The following FOXP4 variants were observed in gnomAD, a reference collection of about 807,000 sequenced individuals.
The protein encoded by FOXP4 is forkhead box P4, also known as forkhead box protein P4.
In FOXP4, 25 loss-of-function variants were observed where a neutral mutation model predicts 82.6. The ratio of observed to expected loss-of-function variants is 0.30; its 90% CI spans 0.22 to 0.42. The LOEUF is 0.42. FOXP4 is among the 10% of genes least tolerant of loss of function. FOXP4 has a pLI of 1.00. For synonymous variants in FOXP4, 415 were observed against 388.2 expected, an observed-to-expected ratio of 1.07 and a Z score of -0.81; for missense variants, 785 against 900.9, an observed-to-expected ratio of 0.87 and a Z score of 1.65.
rs1765585510 is a variant in FOXP4 at position 41,578,037 on chromosome 6, T to C, written c.256T>C (p.Ser86Pro). 6.2e-7 allele frequency: 1 copy of C among 1,613,310 alleles called. No individual in the cohort carries two copies. The highest frequency in any genetic ancestry group is 1.3e-5 in the African/African-American group (1 of 74,866). Reference protein sequence around the residue: ...FLLQQASGLSSPGNNDSKQSA... With the variant: ...FLLQQASGLSPPGNNDSKQSA... ...GCTGCAGCAGGCCTCAGGCCTGAGC[T>C]CCCCAGGGAACAATGACAGCAAACA... Residue 86 changes from serine to proline, a missense_variant, in exon 3 of 17, where the codon TCC becomes CCC. This residue lies in a region of FOXP4 where 570 missense variants were observed against 634.0 expected (regional missense o/e 0.90). Transcript: ENST00000307972.
At chr6:41,597,340 G>C in intron 15 of FOXP4, 98 bp downstream of exon 15, 1 of 1,285,488 alleles carries the variant, frequency 7.8e-7, no homozygotes, top group Non-Finnish European at 1.1e-6. Context: ...ACTCACCAGA[G>C]GAGGGAAGGA....
intron 12 of FOXP4, among the ~76,000 whole-genome samples, chr6:41,590,549 T>C (rs901102341): frequency 6.6e-6 from 1 of 152,130 alleles, no homozygotes; most frequent in Admixed American, 6.5e-5. Flanking sequence ...GGGTTATGTG[T>C]CTCTGGGGGT....
chr6:41,575,771 C>G (rs942127396), intron 2 of FOXP4, among the ~76,000 whole-genome samples: 3 of 119,582 alleles, frequency 2.5e-5, no homozygotes, highest in East Asian at 5.4e-4. Context: ...CCCTGCTGTT[C>G]CCTCCTGTCC....
At chr6:41,592,640 A>G (rs1023564094) in intron 13 of FOXP4, among the ~76,000 whole-genome samples, 2 of 152,202 alleles carry the variant, frequency 1.3e-5, no homozygotes, top group Non-Finnish European at 2.9e-5. Context: ...GTAGTAATAT[A>G]GAGCCTCCTT....
rs1482022976 is a variant in FOXP4 at position 41,588,742 on chromosome 6, GA to G, written c.1065+13del. On this transcript the variant is annotated intron_variant, in intron 9 of 16. Coordinates refer to ENST00000307972, the MANE Select transcript of FOXP4 (RefSeq NM_001012426.2). ...CAGCTGGAGATCCAGGTGTGGCCCG[GA>G]AGATGCTGGGGAGGGACATGGTGGG... is the stretch of plus-strand genomic sequence containing the variant. The G allele has an allele frequency of 1.9e-6, 3 of 1,612,980 alleles. No homozygotes were observed. In the African/African-American group the frequency reaches 4.0e-5, roughly 21 times the overall value.
chr6:41,598,594 A>G, intron 16 of FOXP4, 195 bp from the exon 17 acceptor site: 1 of 710,060 alleles, frequency 1.4e-6, no homozygotes, highest in Non-Finnish European at 2.3e-6. Context: ...CCCAACCCAG[A>G]GCAGTCTCTG....
chr6:41,586,881 C>G, intron 5 of FOXP4, 128 bp from the exon 6 acceptor site: 1 of 1,405,028 alleles, frequency 7.1e-7, no homozygotes, highest in Non-Finnish European at 9.3e-7. Flanking sequence ...ACTGCAGCTG[C>G]AGACGCCACA....
chr6:41,556,906 A>G (rs1040937989), intron 1 of FOXP4, among the ~76,000 whole-genome samples: 11 of 152,330 alleles, frequency 7.2e-5, no homozygotes, highest in East Asian at 3.9e-4. Flanking sequence ...GTGCGATTTA[A>G]TTGACTTAGG....
intron 2 of FOXP4, among the ~76,000 whole-genome samples, chr6:41,568,491 C>G (rs1024239176): frequency 6.6e-6 from 1 of 152,192 alleles, no homozygotes; most frequent in Non-Finnish European, 1.5e-5. Context: ...AGCGAGGCCT[C>G]GAGCATAGTG....
At chr6:41,598,417 C>T (rs1343631011) in intron 16 of FOXP4, among the ~76,000 whole-genome samples, 3 of 152,030 alleles carry the variant, frequency 2.0e-5, no homozygotes, top group East Asian at 1.9e-4. Context: ...GGGGTTTCAC[C>T]GTGCTGGCCA....
chr6:41,560,933 G>T (rs970577733), intron 1 of FOXP4, among the ~76,000 whole-genome samples: 3 of 152,354 alleles, frequency 2.0e-5, no homozygotes, highest in African/African-American at 7.2e-5. Flanking sequence ...AAGCACCCCA[G>T]CCCGTGGGTC....
At chr6:41,560,739 C>T (rs1764526799) in intron 1 of FOXP4, among the ~76,000 whole-genome samples, 1 of 152,258 alleles carries the variant, frequency 6.6e-6, no homozygotes, top group African/African-American at 2.4e-5. Context: ...GATGAGTTGG[C>T]AGGGCGGGCG....
intron 3 of FOXP4, among the ~76,000 whole-genome samples, chr6:41,579,046 AAGGACCC>A (rs1439890022): frequency 6.6e-6 from 1 of 152,050 alleles, no homozygotes; most frequent in Non-Finnish European, 1.5e-5. Flanking sequence ...GTGCTCAGAG[AAGGACCC>A]AGGACCAGGC....
At chr6:41,554,179 A>T (rs1764154416) in intron 1 of FOXP4, among the ~76,000 whole-genome samples, 1 of 152,240 alleles carries the variant, frequency 6.6e-6, no homozygotes, top group South Asian at 2.1e-4. Context: ...CAGAGAGGTT[A>T]CCTGACTTGC....
At chr6:41,568,085 G>A (rs751436153) in intron 2 of FOXP4, among the ~76,000 whole-genome samples, 3 of 152,222 alleles carry the variant, frequency 2.0e-5, no homozygotes, top group Non-Finnish European at 4.4e-5. Context: ...ATGTGTGAAC[G>A]AGGCTTTTGG....
At chr6:41,568,057 G>T (rs1039707990) in intron 2 of FOXP4, among the ~76,000 whole-genome samples, 1 of 152,194 alleles carries the variant, frequency 6.6e-6, no homozygotes, top group African/African-American at 2.4e-5. Context: ...TAGTCCATGG[G>T]CTATTCCTCT....
intron 2 of FOXP4, 61 bp from the exon 3 acceptor site, chr6:41,577,925 C>G: frequency 7.7e-7 from 1 of 1,296,854 alleles, no homozygotes; most frequent in South Asian, 1.2e-5. Flanking sequence ...CCAAACACTC[C>G]CTAATCCCTG....
intron 1 of FOXP4, among the ~76,000 whole-genome samples, chr6:41,553,532 G>T (rs190676357): frequency 1.7e-3 from 261 of 152,316 alleles, no homozygotes; most frequent in Middle Eastern, 3.4e-3. Context: ...ACTGGGTACT[G>T]GCTGGGATTT....
chr6:41,561,091 G>T (rs1049060702), intron 1 of FOXP4, among the ~76,000 whole-genome samples: 1 of 152,232 alleles, frequency 6.6e-6, no homozygotes, highest in Non-Finnish European at 1.5e-5. Context: ...GGAAGTGGGA[G>T]CCCCCAGCGG....
Sources: allele counts gnomAD v4.1 joint callset (sites outside exome capture counted in the v4.1 genomes callset), GRCh38; gene constraint gnomAD v4.1.1; regional missense constraint gnomAD v4.1.1; transcripts MANE v1.5; gene names NCBI Gene and HGNC (gene_info 2026-07-23, HGNC 2026-07-21).